EIF5: variants seen among roughly 807,000 people sequenced by gnomAD.
EIF5 encodes eukaryotic translation initiation factor 5.
In EIF5, 10 loss-of-function variants were observed where a neutral mutation model predicts 48.3. That is an observed-to-expected ratio of 0.21 (90% CI 0.13 to 0.35). The LOEUF (loss-of-function observed/expected upper bound fraction) is 0.35, where lower values mean the gene tolerates loss of function less well. Ranked by LOEUF, EIF5 falls within the 10% of genes least tolerant of loss-of-function variation. EIF5 has a pLI of 1.00. For synonymous variants in EIF5, 237 were observed against 173.1 expected, an observed-to-expected ratio of 1.37 and a Z score of -2.90; for missense variants, 397 against 533.2, an observed-to-expected ratio of 0.74 and a Z score of 2.51.
rs147189150 is a variant in EIF5, at chr14:103,339,201, A to G, written c.774A>G (p.Ser258=). 3 of 1,610,420 alleles carry G rather than the reference A, an allele frequency of 1.9e-6. No individual in the cohort carries two copies. The African/African-American group carries it at 4.0e-5, about 22-fold the overall frequency. The change falls in exon 9 of 12, where the codon TCA becomes TCG. Residue 258 remains serine, a synonymous_variant. Transcript: ENST00000216554. Reference sequence around the variant, plus strand: ...AGAAAGAAGAGGGTGTTATTGATTCATCTGACAAAGAAATCGTTGCTGAAG... The same window carrying G: ...AGAAAGAAGAGGGTGTTATTGATTCGTCTGACAAAGAAATCGTTGCTGAAG... ...KKKKEEGVID[S]SDKEIVAEAE...
rs189720711 is a variant in EIF5 at position 103,337,651 on chromosome 14, A to G, written c.439+424A>G. 5.7e-5 allele frequency: 19 copies of G among 334,000 alleles called. No individual in the cohort carries two copies. In the East Asian group the frequency reaches 1.5e-3, roughly 27 times the overall value. The allele number at this position is 334,000 out of a possible 1,614,324, so 20.7% of individuals were successfully genotyped here. ...CCTTGTACTATATTTTATCAAATCT[A>G]AGACATCTTTCAAAAGTGTATTGTT... On this transcript the variant is annotated intron_variant, in intron 6 of 11. Transcript: ENST00000216554.
chr14:103,335,638 C>G lies in EIF5; in HGVS notation c.-208-15C>G. Reference sequence around the variant, plus strand: ...CTGGGGGGATTTTTGTGTGTTCTTTCCCTTTTTCTTTCAGAGCTGTTGCGC... The same window carrying G: ...CTGGGGGGATTTTTGTGTGTTCTTTGCCTTTTTCTTTCAGAGCTGTTGCGC... On this transcript the variant is annotated splice_polypyrimidine_tract_variant and intron_variant, in intron 2 of 11. Transcript: ENST00000216554. The G allele has an allele frequency of 3.5e-6, 2 of 566,682 alleles. No individual in the cohort carries two copies. The allele number at this position is 566,682 out of a possible 1,614,324, so 35.1% of individuals were successfully genotyped here.
intron 2 of EIF5, 145 bp from the exon 3 acceptor site, chr14:103,335,508 A>G (rs920623836): frequency 1.9e-5 from 6 of 320,600 alleles, no homozygotes; most frequent in Non-Finnish European, 2.9e-5. Flanking sequence ...GTTACATGAG[A>G]ATGGCTGTTT....
rs958407100 is a variant in EIF5 at position 103,344,521 on chromosome 14, C to T, written c.*3469C>T. On this transcript the variant is annotated 3_prime_UTR_variant, in exon 12 of 12. Coordinates refer to ENST00000216554, the MANE Select transcript of EIF5 (RefSeq NM_001969.5). ...ATCAAATTTGGATTCTGTCCCAGGC[C>T]TTACTGTAAAACTAGGGGATTGCCT... 1 of 152,186 alleles carries T rather than the reference C, an allele frequency of 6.6e-6. No homozygotes were observed. The highest frequency in any genetic ancestry group is 6.5e-5 in the Admixed American group (1 of 15,270). The allele number at this position is 152,186 out of a possible 1,614,324, so 9.4% of individuals were successfully genotyped here.
At chr14:103,339,428 A>G in intron 9 of EIF5, 95 bp downstream of exon 9, 1 of 1,493,116 alleles carries the variant, frequency 6.7e-7, no homozygotes, top group Non-Finnish European at 9.0e-7. Flanking sequence ...GTCATGCTTG[A>G]AAGTGGGGAA....
chr14:103,337,276 T>A (rs1374057821), intron 6 of EIF5, 49 bp downstream of exon 6: 1 of 1,481,230 alleles, frequency 6.8e-7, no homozygotes, highest in African/African-American at 1.4e-5. Flanking sequence ...AGTTACTAAC[T>A]GTTGGGAACA....
Position 103,339,783 on chromosome 14 carries a change from A to G in EIF5, c.1051A>G (p.Ile351Val), listed in dbSNP as rs532642425. 1.9e-5 allele frequency: 30 copies of G among 1,614,170 alleles called. No individual in the cohort carries two copies. Among genetic ancestry groups the G allele is most frequent in the Admixed American group, 5.0e-5 (3 of 60,024 alleles). The change falls in exon 10 of 12, where the codon ATC becomes GTC. Residue 351 changes from isoleucine (I) to valine (V), a missense_variant. Physicochemically the swap from Ile to Val is conservative, Grantham distance 29. This residue lies in a region of EIF5 where 160 missense variants were observed against 184.8 expected (regional missense o/e 0.87). Coordinates refer to ENST00000216554, the MANE Select transcript of EIF5 (RefSeq NM_001969.5). ...TGCAGACCTTTTAGAAGAAGAGGTC[A>G]TCATCAGCTGGTCGGAAAAGGTGGG... ...YDADLLEEEV[I>V]ISWSEKASKK... is the part of the protein sequence containing the mutation.
intron 9 of EIF5, 90 bp from the exon 10 acceptor site, chr14:103,339,549 A>T: frequency 2.5e-6 from 4 of 1,577,270 alleles, no homozygotes; most frequent in Non-Finnish European, 3.5e-6. Flanking sequence ...GGTATGGGCC[A>T]TGCACTTGCA....
chr14:103,341,193 T>A lies in EIF5; in HGVS notation c.*141T>A. 1.4e-6 allele frequency: 1 copy of A among 706,454 alleles called. No individual in the cohort carries two copies. The highest frequency in any genetic ancestry group is 2.4e-6 in the Non-Finnish European group (1 of 410,110). 43.8% of individuals were successfully genotyped at this position (706,454 alleles called of 1,614,324 possible). A position where few individuals can be genotyped will look rare whatever the true frequency, so the allele number is the denominator to read the frequency against. On this transcript the variant is annotated 3_prime_UTR_variant, in exon 12 of 12. Coordinates refer to ENST00000216554, the MANE Select transcript of EIF5 (RefSeq NM_001969.5). ...TACACTAAAAATCTATTACTGTGAG[T>A]GGTCTGTTATTAAGCCCAATGAGAC...
chr14:103,339,813 A>C lies in EIF5; in HGVS notation c.1071+10A>C. 6.2e-7 allele frequency: 1 copy of C among 1,612,376 alleles called. No homozygotes were observed. On this transcript the variant is annotated intron_variant, in intron 10 of 11. Coordinates refer to ENST00000216554, the MANE Select transcript of EIF5 (RefSeq NM_001969.5). The stretch of plus-strand genomic sequence containing the variant: ...CAGCTGGTCGGAAAAGGTGGGGAAT[A>C]CATAGGTGGGCTCTTAAAGTTCACA...
At chr14:103,339,495 A>T in intron 9 of EIF5, 144 bp from the exon 10 acceptor site, 2 of 1,424,470 alleles carry the variant, frequency 1.4e-6, no homozygotes, top group Non-Finnish European at 1.9e-6. Flanking sequence ...AGGCCCTTAC[A>T]AAGTAACAGG....
chr14:103,339,649 A>G lies in EIF5; in HGVS notation c.917A>G (p.Asn306Ser), dbSNP rs773222627. Residue 306 changes from asparagine (N) to serine (S), a missense_variant, in exon 10 of 12, where the codon AAC (asparagine) becomes AGC (serine). Around this residue, in one of 4 missense-constraint regions of EIF5, gnomAD observed 160 missense variants for 184.8 expected, o/e 0.87. Coordinates refer to ENST00000216554, the MANE Select transcript of EIF5 (RefSeq NM_001969.5). The part of the protein sequence containing the change: ...YRRHFLRFCH[N>S]NKKAQRYLLH... ...GGTGTCTATTTGCAGTTTTGTCACAACAACAAAAAAGCCCAACGGTACCTT... is the reference window on the plus strand; with the variant it reads ...GGTGTCTATTTGCAGTTTTGTCACAGCAACAAAAAAGCCCAACGGTACCTT... 6.2e-6 allele frequency: 10 copies of G among 1,614,096 alleles called. No individual in the cohort carries two copies. The highest frequency in any genetic ancestry group is 7.6e-6 in the Non-Finnish European group (9 of 1,180,034).
rs1019466570 is a variant in EIF5, at chr14:103,344,243, C to T, written c.*3191C>T. The T allele has an allele frequency of 6.6e-6, 1 of 152,142 alleles. No homozygotes were observed. Among genetic ancestry groups the T allele is most frequent in the Non-Finnish European group, 1.5e-5 (1 of 68,036 alleles). 9.4% of individuals were successfully genotyped at this position (152,142 alleles called of 1,614,324 possible). On this transcript the variant is annotated 3_prime_UTR_variant, in exon 12 of 12. Coordinates refer to ENST00000216554, the MANE Select transcript of EIF5 (RefSeq NM_001969.5). ...GTTGGGAGCTCAGGGTGTTTATGTC[C>T]ACCTGTCTGGTCTAGCCAAACAGTT...
chr14:103,339,923 A>G lies in EIF5; in HGVS notation c.1071+120A>G, dbSNP rs113878770. 3.9e-3 allele frequency: 4,503 copies of G among 1,164,810 alleles called. 117 individuals carry two copies. In the African/African-American group the frequency reaches 0.061, roughly 16 times the overall value. 72.2% of individuals were successfully genotyped at this position (1,164,810 alleles called of 1,614,324 possible). A position where few individuals can be genotyped will look rare whatever the true frequency, so the allele number is the denominator to read the frequency against. On this transcript the variant is annotated intron_variant, in intron 10 of 11. Coordinates refer to ENST00000216554, the MANE Select transcript of EIF5 (RefSeq NM_001969.5). ...GTCCAGGCAGGAGTACAGTGGTATG[A>G]TCTCAGCTCCCTGAAACCTCCACGT...
rs1445865027 is a variant in EIF5, at chr14:103,343,444, C to CT, written c.*2393dup. ...AGGGAACATACATACAGCTATGTAA[C>CT]TGTGAATAATTGTATATATCTCTAG... is the stretch of plus-strand genomic sequence containing the variant. On this transcript the variant is annotated 3_prime_UTR_variant, in exon 12 of 12. Transcript: ENST00000216554. 6.6e-6 allele frequency: 1 copy of CT among 152,158 alleles called. No individual in the cohort carries two copies. The highest frequency in any genetic ancestry group is 2.4e-5 in the African/African-American group (1 of 41,428). The allele number at this position is 152,158 out of a possible 1,614,324, so 9.4% of individuals were successfully genotyped here.
chr14:103,336,594 AAAG>A, intron 4 of EIF5, 80 bp from the exon 5 acceptor site: 1 of 1,431,736 alleles, frequency 7.0e-7, no homozygotes, highest in Non-Finnish European at 9.3e-7. Context: ...AAAAAAAAAA[AAAG>A]TGGTGTTCGT....
In EIF5 at chr14:103,338,468, C is replaced by T; in HGVS notation, c.581C>T (p.Thr194Ile). 1 of 1,567,108 alleles carries T rather than the reference C, an allele frequency of 6.4e-7. No individual in the cohort carries two copies. The highest frequency in any genetic ancestry group is 8.7e-7 in the Non-Finnish European group (1 of 1,155,186). Reference sequence around the variant, plus strand: ...AATGAAATTAATCCTCCTCCACATACAATGGTGAGTGCAGGGTTGATGGCC... The same window carrying T: ...AATGAAATTAATCCTCCTCCACATATAATGGTGAGTGCAGGGTTGATGGCC... ...PPNEINPPPH[T>I]MEEEEDDDWG... The change falls in exon 7 of 12, where the codon ACA becomes ATA. Residue 194 changes from threonine (T) to isoleucine (I), a missense_variant. Thr to Ile is a moderately conservative substitution (Grantham distance 89, BLOSUM62 -1). Transcript: ENST00000216554.
chr14:103,336,910 A>G lies in EIF5; in HGVS notation c.327+61A>G, dbSNP rs564135275. ...TATACCTGCTTCTGTGATACCGCTA[A>G]GTCACCTTCCTGAGAAGGCAGAGCA... On this transcript the variant is annotated intron_variant, in intron 5 of 11. Transcript: ENST00000216554. The G allele has an allele frequency of 1.4e-5, 21 of 1,536,032 alleles. 1 individual carries two copies. The African/African-American group carries it at 2.6e-4, about 19-fold the overall frequency.
rs2089277193 is a variant in EIF5, at chr14:103,335,706, G to A, written c.-155G>A. 2 of 693,832 alleles carry A rather than the reference G, an allele frequency of 2.9e-6. No individual in the cohort carries two copies. The highest frequency in any genetic ancestry group is 5.0e-6 in the Non-Finnish European group (2 of 400,946). The allele number at this position is 693,832 out of a possible 1,614,324, so 43.0% of individuals were successfully genotyped here. ...TTGGGGAAACATAGCATACAAGCAA[G>A]AAGCTTACAGCCTCAGTGGCGAAAA... On this transcript the variant is annotated 5_prime_UTR_variant, in exon 3 of 12. Coordinates refer to ENST00000216554, the MANE Select transcript of EIF5 (RefSeq NM_001969.5).
Sources: allele counts gnomAD v4.1 joint callset, GRCh38; gene constraint gnomAD v4.1.1; regional missense constraint gnomAD v4.1.1; transcripts MANE v1.5; gene names NCBI Gene and HGNC (gene_info 2026-07-23, HGNC 2026-07-21).